The following FAM184B variants were observed in gnomAD, a reference collection of about 807,000 sequenced individuals.
FAM184B encodes the protein family with sequence similarity 184 member B, also known as protein FAM184B.
A neutral mutation model predicts 135.9 loss-of-function variants in FAM184B; 111 were observed. The observed-to-expected ratio is 0.82, with a 90% CI of 0.70 to 0.96. The LOEUF is 0.96. FAM184B is among the 40% of genes least tolerant of loss of function. The probability of loss-of-function intolerance (pLI) is 0.00; values close to 1 mark genes in which losing one functional copy is unlikely to be tolerated. For synonymous variants in FAM184B, 552 were observed against 524.8 expected (o/e 1.05, Z -0.71); for missense variants, 1,375 against 1,323.9 (o/e 1.04, Z -0.60).
chr4:17,769,013 G>A (rs1425558554), intron 1 of FAM184B, among the ~76,000 whole-genome samples: 1 of 151,724 alleles, frequency 6.6e-6, no homozygotes, highest in Non-Finnish European at 1.5e-5. Context: ...ATGTTGGTCA[G>A]GCTGGTCTTG....
intron 1 of FAM184B, among the ~76,000 whole-genome samples, chr4:17,713,587 A>C (rs1577272826): frequency 6.6e-6 from 1 of 152,228 alleles, no homozygotes; most frequent in East Asian, 1.9e-4. Context: ...ACACATTCAC[A>C]ATCTCAGAGG....
chr4:17,743,915 G>A (rs1346371952), intron 1 of FAM184B, among the ~76,000 whole-genome samples: 1 of 152,190 alleles, frequency 6.6e-6, no homozygotes, highest in Non-Finnish European at 1.5e-5. Flanking sequence ...AAAGGAAATC[G>A]TGGTGTTGGC....
intron 7 of FAM184B, among the ~76,000 whole-genome samples, chr4:17,678,556 A>C (rs2108951328): frequency 6.6e-6 from 1 of 152,372 alleles, no homozygotes; most frequent in East Asian, 1.9e-4. Context: ...AACACATCCC[A>C]TAGTCAGGAA....
intron 9 of FAM184B, among the ~76,000 whole-genome samples, chr4:17,659,215 C>G (rs902507894): frequency 6.6e-6 from 1 of 151,628 alleles, no homozygotes. Flanking sequence ...AAGCGACCCT[C>G]CCGCCTCAGC....
chr4:17,642,103 CTCCGCGCGCA>C lies in FAM184B; in HGVS notation c.2462_2471del (p.Leu821ArgfsTer67), dbSNP rs1715338950. On this transcript the variant is annotated frameshift_variant, in exon 13 of 18. Coordinates refer to ENST00000265018, the MANE Select transcript of FAM184B (RefSeq NM_015688.2). LOFTEE classifies it high-confidence loss of function. ...GCGCCTCCTGCTGATGCTGCTCCAC[CTCCGCGCGCA>C]GCCGCCGCACCGCGTCCTGGAGCTG... is the stretch of plus-strand genomic sequence containing the variant. 1 of 1,532,782 alleles carries C rather than the reference CTCCGCGCGCA, an allele frequency of 6.5e-7. No homozygotes were observed. The highest frequency in any genetic ancestry group is 1.4e-5 in the African/African-American group (1 of 72,270). 94.9% of individuals were successfully genotyped at this position (1,532,782 alleles called of 1,614,324 possible).
At chr4:17,724,111 T>TCTCA (rs1553839929) in intron 1 of FAM184B, among the ~76,000 whole-genome samples, 5 of 150,214 alleles carry the variant, frequency 3.3e-5, no homozygotes, top group Non-Finnish European at 7.4e-5. Context: ...AAACAAAATC[T>TCTCA]CACACACACA....
chr4:17,634,022 A>G (rs1052436372), intron 16 of FAM184B, 134 bp from the exon 17 acceptor site: 3 of 616,084 alleles, frequency 4.9e-6, no homozygotes, highest in Non-Finnish European at 7.4e-6. Context: ...ATACACTTAC[A>G]TGCTATTTTT....
At chr4:17,759,625 T>A (rs1298002858) in intron 1 of FAM184B, among the ~76,000 whole-genome samples, 1 of 152,120 alleles carries the variant, frequency 6.6e-6, no homozygotes, top group Non-Finnish European at 1.5e-5. Flanking sequence ...CCCGAGTAGC[T>A]GAGATTACAG....
At chr4:17,720,901 A>C (rs1717508697) in intron 1 of FAM184B, among the ~76,000 whole-genome samples, 2 of 148,402 alleles carry the variant, frequency 1.3e-5, no homozygotes, top group East Asian at 1.9e-4. Context: ...AAAAAAAAAA[A>C]AGAAAGAAAA....
chr4:17,671,171 C>G (rs1185008903), intron 7 of FAM184B, among the ~76,000 whole-genome samples: 2 of 152,254 alleles, frequency 1.3e-5, no homozygotes, highest in East Asian at 3.9e-4. Flanking sequence ...AGAACACACT[C>G]TTGCCAAAGA....
chr4:17,657,987 C>G (rs1235270904), intron 10 of FAM184B, among the ~76,000 whole-genome samples: 2 of 152,070 alleles, frequency 1.3e-5, no homozygotes, highest in Non-Finnish European at 2.9e-5. Flanking sequence ...CTGTGCTGCT[C>G]TCTTCGTTTT....
At chr4:17,733,381 G>T (rs540589697) in intron 1 of FAM184B, among the ~76,000 whole-genome samples, 1 of 152,166 alleles carries the variant, frequency 6.6e-6, no homozygotes, top group Non-Finnish European at 1.5e-5. Flanking sequence ...TAGGAAAAGA[G>T]GAAGTCAAAT....
intron 5 of FAM184B, among the ~76,000 whole-genome samples, chr4:17,695,755 C>A (rs114746815): frequency 1.1e-3 from 167 of 152,210 alleles, no homozygotes; most frequent in African/African-American, 3.9e-3. Context: ...ATCTGAGGAG[C>A]TTGTCTGCAT....
At chr4:17,746,865 C>G (rs1718179324) in intron 1 of FAM184B, among the ~76,000 whole-genome samples, 1 of 151,740 alleles carries the variant, frequency 6.6e-6, no homozygotes, top group Non-Finnish European at 1.5e-5. Flanking sequence ...TGGAGAAACC[C>G]CATCTCTACT....
chr4:17,759,337 G>T (rs1048642104), intron 1 of FAM184B, among the ~76,000 whole-genome samples: 21 of 152,064 alleles, frequency 1.4e-4, no homozygotes, highest in African/African-American at 5.1e-4. Context: ...TCCTGCTCTG[G>T]CTATGAAAGA....
chr4:17,731,423 C>T (rs546229807), intron 1 of FAM184B, among the ~76,000 whole-genome samples: 35 of 152,298 alleles, frequency 2.3e-4, no homozygotes, highest in Non-Finnish European at 3.8e-4. Context: ...GTGCTGTATT[C>T]AGGAAACCCA....
intron 1 of FAM184B, among the ~76,000 whole-genome samples, chr4:17,727,963 T>C (rs906876538): frequency 6.6e-6 from 1 of 151,992 alleles, no homozygotes; most frequent in Admixed American, 6.6e-5. Flanking sequence ...CAGTTGGCCA[T>C]TGAGTTCTTA....
Position 17,707,671 on chromosome 4 carries a change from C to T in FAM184B, c.1008G>A (p.Glu336=). The T allele has an allele frequency of 6.4e-7, 1 of 1,551,808 alleles. No individual in the cohort carries two copies. The part of the protein sequence containing the change: ...AVAKDRMMLQ[E]CRGTQQTDAM... Reference sequence around the variant, plus strand: ...CACCTGTCTGCTGTGTCCCACGACACTCCTGCAGCATCATTCTGTCTTTGG... The same window carrying T: ...CACCTGTCTGCTGTGTCCCACGACATTCCTGCAGCATCATTCTGTCTTTGG... Residue 336 remains glutamate (E), a synonymous_variant, in exon 3 of 18, where the codon GAG becomes GAA. Transcript: ENST00000265018.
chr4:17,632,589 G>A lies in FAM184B; in HGVS notation c.3126C>T (p.Val1042=). 1 of 1,551,330 alleles carries A rather than the reference G, an allele frequency of 6.4e-7. No individual in the cohort carries two copies. The highest frequency in any genetic ancestry group is 8.7e-7 in the Non-Finnish European group (1 of 1,146,788). Residue 1042 remains valine (V), a synonymous_variant, in exon 18 of 18, where the codon GTC becomes GTT. Transcript: ENST00000265018. The part of the protein sequence containing the change: ...PDGETAQAKE[V]QQKQGSPHQE... The stretch of plus-strand genomic sequence containing the variant: ...GGTGCGGAGAGCCCTGTTTCTGCTG[G>A]ACTTCTTTGGCTTGGGCCGTTTCAC...
Sources: allele counts gnomAD v4.1 joint callset (sites outside exome capture counted in the v4.1 genomes callset), GRCh38; gene constraint gnomAD v4.1.1; transcripts MANE v1.5; gene names NCBI Gene and HGNC (gene_info 2026-07-23, HGNC 2026-07-21).